SLC15A5: variants seen among roughly 807,000 people sequenced by gnomAD.
SLC15A5 encodes the protein Peptide/histidine transporter ENSP00000340402.
SLC15A5 carries 58 observed loss-of-function variants against 56.1 expected under a neutral mutation model. The ratio of observed to expected loss-of-function variants is 1.03; its 90% CI spans 0.84 to 1.29. SLC15A5 has a LOEUF of 1.29. Among genes scored for constraint, SLC15A5 ranks in the 50% most tolerant of loss-of-function variants. SLC15A5 has a pLI of 0.00. For missense variants in SLC15A5, 681 were observed against 672.1 expected (o/e 1.01, Z -0.15); for synonymous variants, 264 against 250.5 (o/e 1.05, Z -0.51).
At position 16,216,361 on chromosome 12, in the gene SLC15A5, G is replaced by A. The variant is rs75981634; in HGVS notation, c.1483+532C>T. Among the ~76,000 whole-genome samples, 49 of 152,158 alleles carry A rather than the reference G, an allele frequency of 3.2e-4. No homozygotes were observed. In the East Asian group the frequency reaches 9.5e-3, roughly 29 times the overall value. On this transcript the variant is annotated intron_variant, in intron 7 of 8. Coordinates refer to ENST00000344941, the MANE Select transcript of SLC15A5 (RefSeq NM_001170798.1). ...TTTAGTCTAATATTTGCTTTAGTAG[G>A]TACTTTAATATTTCAAACAATATTT... is the stretch of plus-strand genomic sequence containing the variant.
chr12:16,267,182 A>T (rs1417598427), intron 2 of SLC15A5, among the ~76,000 whole-genome samples: 1 of 128,048 alleles, frequency 7.8e-6, no homozygotes, highest in African/African-American at 3.0e-5. Context: ...TCAGGTCTTC[A>T]TAGCATTAGT....
chr12:16,277,253 A>G (rs1330803994), intron 1 of SLC15A5, 72 bp downstream of exon 1: 1 of 1,367,940 alleles, frequency 7.3e-7, no homozygotes, highest in Admixed American at 2.9e-5. Context: ...TGAAAATAAT[A>G]TAAACTAAAA....
rs75091151 is a variant in SLC15A5 at position 16,224,384 on chromosome 12, C to T, written c.1351+30G>A. 2.8e-3 allele frequency: 4,215 copies of T among 1,532,232 alleles called. 102 individuals are homozygous for T. In the African/African-American group the frequency reaches 0.051, roughly 18 times the overall value. 94.9% of individuals were successfully genotyped at this position (1,532,232 alleles called of 1,614,324 possible). A position where few individuals can be genotyped will look rare whatever the true frequency, so the allele number is the denominator to read the frequency against. On this transcript the variant is annotated intron_variant, in intron 6 of 8. Transcript: ENST00000344941. ...GTTCTGTGTAAAGGTTCAGTATGTT[C>T]TAACATTAGTTGAAAAGGTGTTTAC...
At chr12:16,240,939 A>G (rs1174344708) in intron 4 of SLC15A5, among the ~76,000 whole-genome samples, 2 of 151,840 alleles carry the variant, frequency 1.3e-5, no homozygotes, top group Admixed American at 1.3e-4. Flanking sequence ...CAGCCTTCCG[A>G]GTAGCTGAGA....
intron 6 of SLC15A5, 106 bp downstream of exon 6, chr12:16,224,308 A>C (rs530457640): frequency 3.2e-5 from 33 of 1,041,284 alleles, no homozygotes; most frequent in Non-Finnish European, 4.3e-5. Flanking sequence ...GGAACTCTCT[A>C]GGAGGTGAAT....
At chr12:16,226,268 A>G (rs1201813383) in intron 5 of SLC15A5, among the ~76,000 whole-genome samples, 1 of 152,208 alleles carries the variant, frequency 6.6e-6, no homozygotes, top group African/African-American at 2.4e-5. Context: ...GGGAATAATG[A>G]CAAGAAAAAA....
intron 5 of SLC15A5, among the ~76,000 whole-genome samples, chr12:16,230,641 C>T (rs1050511360): frequency 1.1e-4 from 17 of 151,634 alleles, no homozygotes; most frequent in Admixed American, 3.9e-4. Context: ...AGGCCGGGCG[C>T]GGTGGCTCAC....
At chr12:16,254,834 T>C (rs1864553498) in intron 3 of SLC15A5, among the ~76,000 whole-genome samples, 1 of 152,136 alleles carries the variant, frequency 6.6e-6, no homozygotes, top group African/African-American at 2.4e-5. Flanking sequence ...CAGAGGATAT[T>C]AGAGGCTGGG....
At chr12:16,244,830 G>C in intron 3 of SLC15A5, 30 bp from the exon 4 acceptor site, 1 of 1,514,046 alleles carries the variant, frequency 6.6e-7, no homozygotes, top group African/African-American at 1.4e-5. Flanking sequence ...TTATGTATTA[G>C]TATAGGAATT....
At chr12:16,241,034 C>T (rs896766528) in intron 4 of SLC15A5, among the ~76,000 whole-genome samples, 7 of 152,064 alleles carry the variant, frequency 4.6e-5, no homozygotes, top group African/African-American at 1.4e-4. Flanking sequence ...AGGATGGTCT[C>T]GATCTCCTGA....
In SLC15A5 at chr12:16,188,934, T is replaced by G. The variant is rs1296977200; in HGVS notation, c.*734A>C. On this transcript the variant is annotated 3_prime_UTR_variant, in exon 9 of 9. Coordinates refer to ENST00000344941, the MANE Select transcript of SLC15A5 (RefSeq NM_001170798.1). ...TGGAGACCGAAAGATGTTATTCATA[T>G]AATTCCTTTAAGCATCTCTATTTGG... 6 of 152,226 alleles carry G rather than the reference T, an allele frequency of 3.9e-5. No homozygotes were observed. Among genetic ancestry groups the G allele is most frequent in the Non-Finnish European group, 7.3e-5 (5 of 68,046 alleles). 9.4% of individuals were successfully genotyped at this position (152,226 alleles called of 1,614,324 possible).
Position 16,263,055 on chromosome 12 carries a change from G to C in SLC15A5, c.585-5185C>G, listed in dbSNP as rs11056845. 2.0e-5 allele frequency among the ~76,000 whole-genome samples: 3 copies of C among 152,106 alleles called. No homozygotes were observed. The South Asian group carries it at 6.2e-4, about 32-fold the overall frequency. On this transcript the variant is annotated intron_variant, in intron 2 of 8. Coordinates refer to ENST00000344941, the MANE Select transcript of SLC15A5 (RefSeq NM_001170798.1). ...ATGGGGCACTGCTGAAAAGATACCTGCAAATGCACAAGTGACTTTGGAACT... is the reference window on the plus strand; with the variant it reads ...ATGGGGCACTGCTGAAAAGATACCTCCAAATGCACAAGTGACTTTGGAACT...
intron 8 of SLC15A5, among the ~76,000 whole-genome samples, chr12:16,190,094 C>T (rs983874832): frequency 6.6e-6 from 1 of 152,180 alleles, no homozygotes; most frequent in African/African-American, 2.4e-5. Flanking sequence ...GGTGAGAAGG[C>T]TGAAAGCCTA....
Position 16,243,484 on chromosome 12 carries a change from C to T in SLC15A5, c.975+1096G>A, listed in dbSNP as rs1864432200. The stretch of plus-strand genomic sequence containing the variant: ...TCGGCCTCCCAAAGTGCTGGGATTA[C>T]AGGTGTAAGCCACCACGCTGGGCTA... On this transcript the variant is annotated intron_variant, in intron 4 of 8. Transcript: ENST00000344941. This position sits in a 1 kb window ranked among gnomAD's most constrained non-coding sequence, Gnocchi z 4.4. Among the ~76,000 whole-genome samples the T allele has an allele frequency of 6.6e-6, 1 of 152,170 alleles. No homozygotes were observed. Among genetic ancestry groups the T allele is most frequent in the Non-Finnish European group, 1.5e-5 (1 of 68,034 alleles).
intron 6 of SLC15A5, among the ~76,000 whole-genome samples, chr12:16,217,786 C>T (rs1259334513): frequency 6.6e-6 from 1 of 151,886 alleles, no homozygotes; most frequent in Admixed American, 6.6e-5. Context: ...AGGAGAGGTG[C>T]TGAGAGAGAG....
At position 16,243,297 on chromosome 12, in the gene SLC15A5, G is replaced by C. The variant is rs1430254368; in HGVS notation, c.975+1283C>G. Among the ~76,000 whole-genome samples the C allele has an allele frequency of 2.0e-5, 3 of 149,468 alleles. No homozygotes were observed. Among genetic ancestry groups the C allele is most frequent in the African/African-American group, 7.4e-5 (3 of 40,504 alleles). Reference sequence around the variant, plus strand: ...ATGATCTCTGCTCACCGCAACCTCCGCCTCCTGGGTTCAAGCGATTCTCCA... The same window carrying C: ...ATGATCTCTGCTCACCGCAACCTCCCCCTCCTGGGTTCAAGCGATTCTCCA... On this transcript the variant is annotated intron_variant, in intron 4 of 8. Coordinates refer to ENST00000344941, the MANE Select transcript of SLC15A5 (RefSeq NM_001170798.1). The surrounding 1 kb of genome is among the most constrained non-coding windows in gnomAD (Gnocchi z 4.4).
intron 8 of SLC15A5, 36 bp downstream of exon 8, chr12:16,194,309 C>T: frequency 7.2e-7 from 1 of 1,380,496 alleles, no homozygotes; most frequent in Non-Finnish European, 9.9e-7. Context: ...ATTTCATGGA[C>T]TCAGAAATTT....
intron 7 of SLC15A5, among the ~76,000 whole-genome samples, chr12:16,209,848 C>T (rs544265597): frequency 9.7e-4 from 147 of 152,220 alleles, no homozygotes; most frequent in Middle Eastern, 6.8e-3. Flanking sequence ...TCAATTCTAC[C>T]TCCTTGTTTC....
At chr12:16,206,599 C>T (rs1864022101) in intron 7 of SLC15A5, among the ~76,000 whole-genome samples, 1 of 152,142 alleles carries the variant, frequency 6.6e-6, no homozygotes, top group African/African-American at 2.4e-5. Flanking sequence ...CACAGAGCAG[C>T]TGAACTGTTT....
Sources: allele counts gnomAD v4.1 joint callset (sites outside exome capture counted in the v4.1 genomes callset), GRCh38; gene constraint gnomAD v4.1.1; non-coding constraint Gnocchi (gnomAD v3.1); transcripts MANE v1.5; gene names NCBI Gene and HGNC (gene_info 2026-07-23, HGNC 2026-07-21).